PLCB3: variants seen among roughly 807,000 people sequenced by gnomAD.
PLCB3 encodes the protein 1-phosphatidylinositol 4,5-bisphosphate phosphodiesterase beta-3.
Under a neutral mutation model 152.1 loss-of-function variants are expected in PLCB3, and 54 were observed. The ratio of observed to expected loss-of-function variants is 0.36; its 90% confidence interval spans 0.29 to 0.45. PLCB3 has a LOEUF of 0.45. Among genes scored for constraint, PLCB3 ranks in the 20% least tolerant of loss-of-function variants. The pLI, the probability that PLCB3 is intolerant of heterozygous loss-of-function variation, is 1.00. For missense variants in PLCB3, 1,248 were observed against 1,687.5 expected (o/e 0.74, Z 4.56); for synonymous variants, 717 against 698.7 (o/e 1.03, Z -0.41).
chr11:64,268,757 C>T (rs1364916918), downstream of PLCB3: 1 of 152,334 alleles, frequency 6.6e-6, no homozygotes, highest in Non-Finnish European at 1.5e-5. Flanking sequence ...TGGCTCTTCC[C>T]AGGCTGCCCG....
In PLCB3 at chr11:64,266,084, G is replaced by A. The variant is rs760538605; in HGVS notation, c.3190-42G>A. Reference sequence around the variant, plus strand: ...CAGGGAAAGCCTGCTGGATAGACCCGTCGTCAGCCCGGCATCACCTGTCAG... The same window carrying A: ...CAGGGAAAGCCTGCTGGATAGACCCATCGTCAGCCCGGCATCACCTGTCAG... On this transcript the variant is annotated intron_variant, in intron 26 of 30. Transcript: ENST00000279230. The surrounding 1 kb of genome is among the most constrained non-coding windows in gnomAD (Gnocchi z 4.9). 9.9e-6 allele frequency: 16 copies of A among 1,613,898 alleles called. No individual in the cohort carries two copies. Among genetic ancestry groups the A allele is most frequent in the Middle Eastern group, 1.6e-4 (1 of 6,062 alleles).
Position 64,266,375 on chromosome 11 carries a change from C to T in PLCB3, c.3327C>T (p.Ala1109=). Residue 1109 remains alanine, a synonymous_variant, in exon 28 of 31, where the codon GCC becomes GCT. Transcript: ENST00000279230. The surrounding 1 kb of genome is among the most constrained non-coding windows in gnomAD (Gnocchi z 4.9). ...DRKRHNSISE[A]KMRDKHKKEA... Reference sequence around the variant, plus strand: ...AGCGCCATAACAGCATCTCGGAGGCCAAGATGAGGGACAAGCATAAGAAGG... The same window carrying T: ...AGCGCCATAACAGCATCTCGGAGGCTAAGATGAGGGACAAGCATAAGAAGG... 1.2e-6 allele frequency: 2 copies of T among 1,610,418 alleles called. No homozygotes were observed. Among genetic ancestry groups the T allele is most frequent in the African/African-American group, 1.3e-5 (1 of 74,698 alleles).
At position 64,263,579 on chromosome 11, in the gene PLCB3, G is replaced by A. The variant is rs1243151945; in HGVS notation, c.2437G>A (p.Val813Ile). The A allele has an allele frequency of 3.1e-6, 5 of 1,612,350 alleles. No homozygotes were observed. The Admixed American group carries it at 6.7e-5, about 22-fold the overall frequency. The stretch of plus-strand genomic sequence containing the variant: ...ATTCGTAGGGCACCGGATCCTGCCT[G>A]TCTCTGCCATCCGCTCCGGTGAGGC... ...GKFVGHRILP[V>I]SAIRSGYHYV... Residue 813 changes from valine to isoleucine, a missense_variant, in exon 20 of 31, where the codon GTC becomes ATC. By Grantham distance (29) the Val-to-Ile change is conservative (BLOSUM62 3). Around this residue, in one of 6 missense-constraint regions of PLCB3, gnomAD observed 244 missense variants for 424.4 expected, o/e 0.57. Coordinates refer to ENST00000279230, the MANE Select transcript of PLCB3 (RefSeq NM_000932.5).
chr11:64,262,959 C>A (rs1045674833), intron 19 of PLCB3, 151 bp downstream of exon 19: 1 of 746,094 alleles, frequency 1.3e-6, no homozygotes, highest in Non-Finnish European at 2.2e-6. Context: ...CCTGCCTGTC[C>A]GAGCGTCAGT....
In PLCB3 at chr11:64,266,028, C is replaced by T. The variant is rs752811479; in HGVS notation, c.3178C>T (p.His1060Tyr). 7.4e-6 allele frequency: 12 copies of T among 1,614,000 alleles called. No homozygotes were observed. In the South Asian group the frequency reaches 1.1e-4, roughly 15 times the overall value. ...CGCAGAGGCCCAGCGGAGGCTGGAA[C>T]ACCTGAGACAGGTAGGGGGCCTGCA... ...VDAEAQRRLE[H>Y]LRQALQRLRE... Residue 1060 changes from histidine (H) to tyrosine (Y), a missense_variant, in exon 26 of 31, where the codon CAC (histidine) becomes TAC (tyrosine). Coordinates refer to ENST00000279230, the MANE Select transcript of PLCB3 (RefSeq NM_000932.5). The surrounding 1 kb of genome is among the most constrained non-coding windows in gnomAD (Gnocchi z 4.9).
intron 22 of PLCB3, among the ~76,000 whole-genome samples, chr11:64,264,422 T>C (rs2032009604): frequency 6.6e-6 from 1 of 152,094 alleles, no homozygotes; most frequent in South Asian, 2.1e-4. Flanking sequence ...AGGAGGGCAG[T>C]GGCTTCCGTG....
At chr11:64,261,785 G>T in intron 16 of PLCB3, 120 bp downstream of exon 16, 3 of 1,413,440 alleles carry the variant, frequency 2.1e-6, no homozygotes, top group Non-Finnish European at 3.0e-6. Flanking sequence ...CGGCCCTCCT[G>T]CACCCTGGCC....
chr11:64,252,878 C>T (rs2031307258), intron 1 of PLCB3, among the ~76,000 whole-genome samples: 1 of 152,096 alleles, frequency 6.6e-6, no homozygotes, highest in South Asian at 2.1e-4. Flanking sequence ...CCTTTGAGGT[C>T]CAGACCCCTG....
intron 8 of PLCB3, 54 bp from the exon 9 acceptor site, chr11:64,256,322 C>CG: frequency 6.4e-7 from 1 of 1,553,236 alleles, no homozygotes; most frequent in African/African-American, 1.4e-5. Context: ...GGCTTGGCGA[C>CG]GGGGTGGGAG....
In PLCB3 at chr11:64,266,232, G is replaced by C; in HGVS notation, c.3266+30G>C. On this transcript the variant is annotated intron_variant, in intron 27 of 30. Transcript: ENST00000279230. This position sits in a 1 kb window ranked among gnomAD's most constrained non-coding sequence, Gnocchi z 4.9. Reference sequence around the variant, plus strand: ...AAGCCGAGGATTGTCTATGGGAAGGGCTGGGGACTTCTAGTACCAGAAGGA... The same window carrying C: ...AAGCCGAGGATTGTCTATGGGAAGGCCTGGGGACTTCTAGTACCAGAAGGA... 6.2e-7 allele frequency: 1 copy of C among 1,613,828 alleles called. No homozygotes were observed. Among genetic ancestry groups the C allele is most frequent in the Non-Finnish European group, 8.5e-7 (1 of 1,179,830 alleles).
In PLCB3 at chr11:64,257,669, G is replaced by A. The variant is rs190697029; in HGVS notation, c.1013-804G>A. Among the ~76,000 whole-genome samples, 182 of 151,852 alleles carry A rather than the reference G, an allele frequency of 1.2e-3. 2 individuals carry two copies. The highest frequency in any genetic ancestry group is 4.2e-3 in the African/African-American group (172 of 41,398). Reference sequence around the variant, plus strand: ...AAAAAAGCAGAAAGGAAGCTGGTGCGGCAGGGTGCAGAGTGCTGGAGATAG... The same window carrying A: ...AAAAAAGCAGAAAGGAAGCTGGTGCAGCAGGGTGCAGAGTGCTGGAGATAG... On this transcript the variant is annotated intron_variant, in intron 10 of 30. Coordinates refer to ENST00000279230, the MANE Select transcript of PLCB3 (RefSeq NM_000932.5).
rs1320776482 is a variant in PLCB3, at chr11:64,262,667, G to A, written c.2214G>A (p.Leu738=). 2 of 1,614,006 alleles carry A rather than the reference G, an allele frequency of 1.2e-6. No homozygotes were observed. Among genetic ancestry groups the A allele is most frequent in the Admixed American group, 1.7e-5 (1 of 60,034 alleles). ...LRVKVISGQF[L]SDRKVGIYVE... ...CCCAGGTGATCTCAGGGCAGTTCCT[G>A]TCCGACAGGAAGGTGGGCATCTACG... The change falls in exon 19 of 31, where the codon CTG becomes CTA. Residue 738 remains leucine, a synonymous_variant. Transcript: ENST00000279230.
In PLCB3 at chr11:64,262,037, G is replaced by T. The variant is rs901228245; in HGVS notation, c.1999G>T (p.Val667Leu). ...CTACATGCCCCAGCTCTTCTGGAACGTAGGGTGCCAGCTTGTTGCGCTCAA... is the reference window on the plus strand; with the variant it reads ...CTACATGCCCCAGCTCTTCTGGAACTTAGGGTGCCAGCTTGTTGCGCTCAA... ...SNYMPQLFWN[V>L]GCQLVALNFQ... is the part of the protein sequence containing the mutation. The change falls in exon 17 of 31, where the codon GTA becomes TTA. Residue 667 changes from valine (V) to leucine (L), a missense_variant. By Grantham distance (32) the Val-to-Leu change is conservative. Coordinates refer to ENST00000279230, the MANE Select transcript of PLCB3 (RefSeq NM_000932.5). 6.2e-7 allele frequency: 1 copy of T among 1,614,164 alleles called. No individual in the cohort carries two copies. Among genetic ancestry groups the T allele is most frequent in the Admixed American group, 1.7e-5 (1 of 60,032 alleles).
Position 64,267,582 on chromosome 11 carries a change from GC to G in PLCB3, c.*28del. The stretch of plus-strand genomic sequence containing the variant: ...ACTGGCTGAGCGAGGTGGCCACAGG[GC>G]CAGGGCGGGCGCTGGGTGGAGGGCA... On this transcript the variant is annotated 3_prime_UTR_variant, in exon 31 of 31. Transcript: ENST00000279230. This position sits in a 1 kb window ranked among gnomAD's most constrained non-coding sequence, Gnocchi z 5.2. 1 of 1,531,564 alleles carries G rather than the reference GC, an allele frequency of 6.5e-7. No individual in the cohort carries two copies. The allele number at this position is 1,531,564 out of a possible 1,614,324, so 94.9% of individuals were successfully genotyped here. A position where few individuals can be genotyped will look rare whatever the true frequency, so the allele number is the denominator to read the frequency against.
At chr11:64,256,892 G>A in intron 10 of PLCB3, 128 bp downstream of exon 10, 1 of 1,055,988 alleles carries the variant, frequency 9.5e-7, no homozygotes, top group Non-Finnish European at 1.4e-6. Flanking sequence ...GATGCAGGCA[G>A]GGAACAGGCA....
At chr11:64,259,735 A>G (rs891315557) in intron 13 of PLCB3, among the ~76,000 whole-genome samples, 1 of 152,058 alleles carries the variant, frequency 6.6e-6, no homozygotes, top group African/African-American at 2.4e-5. Flanking sequence ...TTACCCCGCT[A>G]TTAGGGCTGT....
At position 64,266,115 on chromosome 11, in the gene PLCB3, T is replaced by C; in HGVS notation, c.3190-11T>C. 6.2e-7 allele frequency: 1 copy of C among 1,614,032 alleles called. No homozygotes were observed. The highest frequency in any genetic ancestry group is 8.5e-7 in the Non-Finnish European group (1 of 1,179,970). ...AGCCCGGCATCACCTGTCAGCTCCCTGTGTCCACAGGCTCTGCAGCGGCTC... is the reference window on the plus strand; with the variant it reads ...AGCCCGGCATCACCTGTCAGCTCCCCGTGTCCACAGGCTCTGCAGCGGCTC... On this transcript the variant is annotated splice_polypyrimidine_tract_variant and intron_variant, in intron 26 of 30. Coordinates refer to ENST00000279230, the MANE Select transcript of PLCB3 (RefSeq NM_000932.5). The surrounding 1 kb of genome is among the most constrained non-coding windows in gnomAD (Gnocchi z 4.9).
Position 64,258,712 on chromosome 11 carries a change from T to C in PLCB3, c.1252T>C (p.Ser418Pro), listed in dbSNP as rs765350654. 13 of 1,613,450 alleles carry C rather than the reference T, an allele frequency of 8.1e-6. No individual in the cohort carries two copies. The highest frequency in any genetic ancestry group is 1.3e-5 in the African/African-American group (1 of 74,892). The change falls in exon 11 of 31, where the codon TCG becomes CCG. Residue 418 changes from serine (S) to proline (P), a missense_variant and splice_region_variant. Ser to Pro is a moderately conservative substitution (Grantham distance 74). Coordinates refer to ENST00000279230, the MANE Select transcript of PLCB3 (RefSeq NM_000932.5). The surrounding 1 kb of genome is among the most constrained non-coding windows in gnomAD (Gnocchi z 7.2). ...CCTCTCCTTCGAGAACCATGTGGAC[T>C]CGTGAGTGAGCCCCTGGCATGAAAC... Reference protein sequence around the residue: ...VILSFENHVDSAKQQAKMAEY... With the variant: ...VILSFENHVDPAKQQAKMAEY...
At position 64,258,541 on chromosome 11, in the gene PLCB3, G is replaced by A. The variant is rs2031661745; in HGVS notation, c.1081G>A (p.Val361Met). 4 of 1,613,940 alleles carry A rather than the reference G, an allele frequency of 2.5e-6. No homozygotes were observed. Among genetic ancestry groups the A allele is most frequent in the Non-Finnish European group, 1.7e-6 (2 of 1,179,996 alleles). The change falls in exon 11 of 31, where the codon GTG (valine) becomes ATG (methionine). Residue 361 changes from valine to methionine, a missense_variant. Around this residue, in one of 6 missense-constraint regions of PLCB3, gnomAD observed 122 missense variants for 221.8 expected, o/e 0.55. Coordinates refer to ENST00000279230, the MANE Select transcript of PLCB3 (RefSeq NM_000932.5). The surrounding 1 kb of genome is among the most constrained non-coding windows in gnomAD (Gnocchi z 7.2). ...GGCACTACTATGGGGCTGCCGCTGC[G>A]TGGAGCTGGACGTGTGGAAGGGACG... The part of the protein sequence containing the change: ...RQALLWGCRC[V>M]ELDVWKGRPP...
Sources: gnomAD v4.1 joint callset for allele counts (sites outside exome capture counted in the v4.1 genomes callset) on GRCh38, gnomAD v4.1.1 for gene constraint, gnomAD v4.1.1 regional missense constraint, Gnocchi (gnomAD v3.1) non-coding constraint, MANE v1.5 for transcripts, NCBI Gene and HGNC (gene_info 2026-07-23, HGNC 2026-07-21) for gene names.